GOLM1: variants seen among roughly 807,000 people sequenced by gnomAD.
GOLM1 encodes epididymis luminal protein 46.
A neutral mutation model predicts 50.5 loss-of-function variants in GOLM1; 31 were observed. That is an observed-to-expected ratio of 0.61 (90% CI 0.46 to 0.83). The LOEUF is 0.83. GOLM1 is among the 40% of genes least tolerant of loss of function. The pLI is 0.00. For missense variants in GOLM1, 491 were observed against 501.3 expected, an observed-to-expected ratio of 0.98 and a Z score of 0.20; for synonymous variants, 178 against 192.8, an observed-to-expected ratio of 0.92 and a Z score of 0.64.
Position 86,026,280 on chromosome 9 carries a change from A to G in GOLM1, c.*1537T>C. ...GGAGGACTCAAAGTGAGGCTGGAAG[A>G]GGACTTAGAAGAGTATGAAAGTACT... On this transcript the variant is annotated 3_prime_UTR_variant, in exon 10 of 10. Transcript: ENST00000388712. 1.0e-6 allele frequency: 1 copy of G among 985,302 alleles called. No individual in the cohort carries two copies. Among genetic ancestry groups the G allele is most frequent in the African/African-American group, 1.7e-5 (1 of 57,358 alleles). 61.0% of individuals were successfully genotyped at this position (985,302 alleles called of 1,614,324 possible). A position where few individuals can be genotyped will look rare whatever the true frequency, so the allele number is the denominator to read the frequency against.
intron 6 of GOLM1, among the ~76,000 whole-genome samples, chr9:86,038,137 A>G (rs1336552128): frequency 6.6e-6 from 1 of 151,440 alleles, no homozygotes; most frequent in African/African-American, 2.4e-5. Context: ...CTGGGCGATA[A>G]AAGCAAAACT....
At chr9:86,085,454 T>TTG (rs71372456) in intron 1 of GOLM1, among the ~76,000 whole-genome samples, 11,776 of 47,222 alleles carry the variant, frequency 0.25, 1,116 homozygotes, top group African/African-American at 0.46. Flanking sequence ...AAAGTTTTTG[T>TTG]TTTTTTTTTT....
chr9:86,085,906 T>G (rs915723230), intron 1 of GOLM1, among the ~76,000 whole-genome samples: 2 of 152,236 alleles, frequency 1.3e-5, no homozygotes, highest in East Asian at 3.8e-4. Flanking sequence ...TTCCAAGTCT[T>G]TGCTATCGTG....
Position 86,088,420 on chromosome 9 carries a change from GTATATATA to G in GOLM1, c.-21-9087_-21-9080del, listed in dbSNP as rs71505775. Among the ~76,000 whole-genome samples, 304 of 86,284 alleles carry G rather than the reference GTATATATA, an allele frequency of 3.5e-3. 6 individuals are homozygous for G. The highest frequency in any genetic ancestry group is 0.011 in the African/African-American group (187 of 17,410). 56.6% of individuals were successfully genotyped at this position (86,284 alleles called of 152,430 possible). On this transcript the variant is annotated intron_variant, in intron 1 of 9. Transcript: ENST00000388712. ...TGGATTCGTTGTTTTTTTGAAGGGTGTATATATATATATATATATATATATATATATAT... is the reference window on the plus strand; with the variant it reads ...TGGATTCGTTGTTTTTTTGAAGGGTGTATATATATATATATATATATATAT...
At position 86,027,548 on chromosome 9, in the gene GOLM1, T is replaced by C. The variant is rs571762491; in HGVS notation, c.*269A>G. On this transcript the variant is annotated 3_prime_UTR_variant, in exon 10 of 10. Transcript: ENST00000388712. ...GTCGCCAACACTTGAAGGAGAACTA[T>C]GTTCCAGTTTTGGTGTTGAACTTCT... 60 of 1,246,596 alleles carry C rather than the reference T, an allele frequency of 4.8e-5. No individual in the cohort carries two copies. Among genetic ancestry groups the C allele is most frequent in the East Asian group, 7.7e-5 (2 of 25,912 alleles). 77.2% of individuals were successfully genotyped at this position (1,246,596 alleles called of 1,614,324 possible).
chr9:86,041,078 A>G (rs1411898904), intron 5 of GOLM1, among the ~76,000 whole-genome samples: 1 of 152,210 alleles, frequency 6.6e-6, no homozygotes, highest in African/African-American at 2.4e-5. Flanking sequence ...CATTGTTCTA[A>G]AACAGTGAAC....
In GOLM1 at chr9:86,026,813, C is replaced by T. The variant is rs1435095307; in HGVS notation, c.*1004G>A. ...AATCAGTTTTGTGAGTCATTTACCA[C>T]AAGCTAAATGTGTACACTATGATAA... On this transcript the variant is annotated 3_prime_UTR_variant, in exon 10 of 10. Transcript: ENST00000388712. The T allele has an allele frequency of 1.1e-5, 11 of 973,632 alleles. No individual in the cohort carries two copies. The highest frequency in any genetic ancestry group is 1.1e-5 in the Non-Finnish European group (9 of 819,386). The allele number at this position is 973,632 out of a possible 1,614,324, so 60.3% of individuals were successfully genotyped here. A position where few individuals can be genotyped will look rare whatever the true frequency, so the allele number is the denominator to read the frequency against.
rs767300457 is a variant in GOLM1 at position 86,079,255 on chromosome 9, C to T, written c.66G>A (p.Val22=). The change falls in exon 2 of 10, where the codon GTG becomes GTA. Residue 22 remains valine, a synonymous_variant. Transcript: ENST00000388712. The stretch of plus-strand genomic sequence containing the variant: ...TGAAGCCCAAGACGATGATGCAGGC[C>T]ACCAGGGCGGCCAGCACGAGGGGCG... ...KSPPLVLAAL[V]ACIIVLGFNY... is the part of the protein sequence containing the mutation. The T allele has an allele frequency of 1.9e-6, 3 of 1,611,046 alleles. No individual in the cohort carries two copies. In the South Asian group the frequency reaches 3.3e-5, roughly 18 times the overall value.
chr9:86,029,590 T>A (rs1241416489), intron 9 of GOLM1, among the ~76,000 whole-genome samples: 1 of 151,886 alleles, frequency 6.6e-6, no homozygotes, highest in African/African-American at 2.4e-5. Flanking sequence ...TTAATGACCA[T>A]TAAATACCTG....
intron 5 of GOLM1, among the ~76,000 whole-genome samples, chr9:86,043,580 A>C (rs1000695750): frequency 1.4e-4 from 21 of 152,224 alleles, no homozygotes; most frequent in African/African-American, 5.1e-4. Flanking sequence ...AAAGTGAAGA[A>C]TAACTAGCTT....
In GOLM1 at chr9:86,079,266, C is replaced by G; in HGVS notation, c.55G>C (p.Ala19Pro). ...RSMKSPPLVL[A>P]ALVACIIVLG... ...ACGATGATGCAGGCCACCAGGGCGG[C>G]CAGCACGAGGGGCGGCGACTTCATG... The change falls in exon 2 of 10, where the codon GCC becomes CCC. Residue 19 changes from alanine to proline, a missense_variant. Physicochemically the swap from Ala to Pro is conservative, Grantham distance 27. Coordinates refer to ENST00000388712, the MANE Select transcript of GOLM1 (RefSeq NM_016548.4). 2.5e-6 allele frequency: 4 copies of G among 1,610,522 alleles called. No homozygotes were observed. The highest frequency in any genetic ancestry group is 3.4e-6 in the Non-Finnish European group (4 of 1,177,326).
chr9:86,057,512 C>T (rs1269500022), intron 3 of GOLM1, among the ~76,000 whole-genome samples: 2 of 152,034 alleles, frequency 1.3e-5, no homozygotes, highest in Non-Finnish European at 2.9e-5. Context: ...CTCACCCGAG[C>T]CGGGGTGCAG....
At chr9:86,054,520 G>C (rs868679163) in intron 3 of GOLM1, among the ~76,000 whole-genome samples, 8 of 152,070 alleles carry the variant, frequency 5.3e-5, no homozygotes, top group Non-Finnish European at 1.2e-4. Context: ...CACTGCGCCC[G>C]GCCTCATGTA....
Position 86,027,764 on chromosome 9 carries a change from A to T in GOLM1, c.*53T>A. ...TTTCAGTATTCAGTCCCTCATGAAC[A>T]TTTTATAGTCATCTCTTCGGCCCTG... On this transcript the variant is annotated 3_prime_UTR_variant, in exon 10 of 10. Coordinates refer to ENST00000388712, the MANE Select transcript of GOLM1 (RefSeq NM_016548.4). 1 of 1,590,488 alleles carries T rather than the reference A, an allele frequency of 6.3e-7. No homozygotes were observed. Among genetic ancestry groups the T allele is most frequent in the Non-Finnish European group, 8.6e-7 (1 of 1,169,584 alleles).
intron 5 of GOLM1, among the ~76,000 whole-genome samples, chr9:86,042,544 C>T (rs1240883151): frequency 6.6e-6 from 1 of 152,164 alleles, no homozygotes; most frequent in Non-Finnish European, 1.5e-5. Flanking sequence ...GTGCCGAGTT[C>T]CTGACCTTGA....
intron 3 of GOLM1, among the ~76,000 whole-genome samples, chr9:86,070,973 C>T (rs1033288487): frequency 3.4e-4 from 51 of 152,182 alleles, no homozygotes; most frequent in African/African-American, 1.1e-3. Flanking sequence ...AGCTACTTAA[C>T]GTCCAGGTGT....
rs1832793494 is a variant in GOLM1, at chr9:86,026,613, A to G, written c.*1204T>C. 1 of 982,220 alleles carries G rather than the reference A, an allele frequency of 1.0e-6. No homozygotes were observed. The highest frequency in any genetic ancestry group is 1.7e-5 in the African/African-American group (1 of 57,174). 60.8% of individuals were successfully genotyped at this position (982,220 alleles called of 1,614,324 possible). ...CTGTGGATCCTCCTACTTACCCCTT[A>G]GAGAGCCTTACTGGGAAGTCAGTCA... On this transcript the variant is annotated 3_prime_UTR_variant, in exon 10 of 10. Transcript: ENST00000388712.
chr9:86,073,302 C>T (rs1834507225), intron 3 of GOLM1, among the ~76,000 whole-genome samples: 1 of 151,748 alleles, frequency 6.6e-6, no homozygotes, highest in Middle Eastern at 3.2e-3. Context: ...TATTCTGAGC[C>T]CAAACATCCA....
Position 86,026,201 on chromosome 9 carries a change from G to A in GOLM1, c.*1616C>T. ...AATTCTATGCGTACAAATTAAACAT[G>A]AGATGAATAGAGACTTTATTGAGAA... On this transcript the variant is annotated 3_prime_UTR_variant, in exon 10 of 10. Transcript: ENST00000388712. 1.0e-6 allele frequency: 1 copy of A among 978,270 alleles called. No homozygotes were observed. Among genetic ancestry groups the A allele is most frequent in the Non-Finnish European group, 1.2e-6 (1 of 823,492 alleles). 60.6% of individuals were successfully genotyped at this position (978,270 alleles called of 1,614,324 possible).
Sources: allele counts gnomAD v4.1 joint callset (sites outside exome capture counted in the v4.1 genomes callset), GRCh38; gene constraint gnomAD v4.1.1; transcripts MANE v1.5; gene names NCBI Gene and HGNC (gene_info 2026-07-23, HGNC 2026-07-21).